The following CTSO variants were observed in gnomAD, a reference collection of about 807,000 sequenced individuals.
CTSO encodes cathepsin O.
In CTSO, 40 loss-of-function variants were observed where a neutral mutation model predicts 42.4. The ratio of observed to expected loss-of-function variants is 0.94; its 90% CI spans 0.73 to 1.23. The LOEUF is 1.23. Among genes scored for constraint, CTSO ranks in the 50% most tolerant of loss-of-function variants. The pLI is 0.00. For synonymous variants in CTSO, 156 were observed against 146.2 expected, an observed-to-expected ratio of 1.07 and a Z score of -0.48; for missense variants, 441 against 396.0, an observed-to-expected ratio of 1.11 and a Z score of -0.96.
rs1473621418 is a variant in CTSO, at chr4:155,939,462, T to C, written c.461A>G (p.Asp154Gly). 1.2e-6 allele frequency: 2 copies of C among 1,614,112 alleles called. No homozygotes were observed. The highest frequency in any genetic ancestry group is 1.7e-5 in the Admixed American group (1 of 60,012). ...AYAIKGKPLEDLSVQQVIDCS... is the reference protein window; with the variant it reads ...AYAIKGKPLEGLSVQQVIDCS... ...GTCAATGACCTGCTGGACACTTAGGTCTTCCAGGGGCTTCCCCTTTATTGC... is the reference window on the plus strand; with the variant it reads ...GTCAATGACCTGCTGGACACTTAGGCCTTCCAGGGGCTTCCCCTTTATTGC... Residue 154 changes from aspartate to glycine, a missense_variant, in exon 4 of 8, where the codon GAC (aspartate) becomes GGC (glycine). Asp to Gly is a moderately conservative substitution (Grantham distance 94). Coordinates refer to ENST00000433477, the MANE Select transcript of CTSO (RefSeq NM_001334.3).
rs181454166 is a variant in CTSO at position 155,939,696 on chromosome 4, G to A, written c.385-158C>T. On this transcript the variant is annotated intron_variant, in intron 3 of 7. Coordinates refer to ENST00000433477, the MANE Select transcript of CTSO (RefSeq NM_001334.3). ...CTCTAGATTTTTAAACTGAAAAAAAGAGAAAACCAAAAGTCTCTTTTGAGC... is the reference window on the plus strand; with the variant it reads ...CTCTAGATTTTTAAACTGAAAAAAAAAGAAAACCAAAAGTCTCTTTTGAGC... 3.5e-4 allele frequency among the ~76,000 whole-genome samples: 53 copies of A among 152,190 alleles called. No individual in the cohort carries two copies. In the East Asian group the frequency reaches 9.8e-3, roughly 28 times the overall value.
At chr4:155,926,835 T>C (rs1014180358) in intron 7 of CTSO, among the ~76,000 whole-genome samples, 3 of 152,218 alleles carry the variant, frequency 2.0e-5, no homozygotes, top group East Asian at 1.9e-4. Context: ...GTAGTTATAA[T>C]TGAGGCAATT....
intron 1 of CTSO, among the ~76,000 whole-genome samples, chr4:155,952,383 A>G (rs1743690738): frequency 1.3e-5 from 2 of 152,178 alleles, no homozygotes; most frequent in Non-Finnish European, 2.9e-5. Context: ...TATATTTATA[A>G]GTCTAGCCCT....
intron 1 of CTSO, 57 bp downstream of exon 1, chr4:155,953,656 C>G (rs1743718202): frequency 1.6e-6 from 2 of 1,234,216 alleles, no homozygotes; most frequent in Non-Finnish European, 2.0e-6. Flanking sequence ...GCAGCCCAGA[C>G]CCGGGACAGG....
chr4:155,928,085 T>A (rs1743162665), intron 7 of CTSO, among the ~76,000 whole-genome samples: 1 of 152,106 alleles, frequency 6.6e-6, no homozygotes, highest in Non-Finnish European at 1.5e-5. Context: ...CAATTAACCT[T>A]GGTAAATTAT....
At chr4:155,942,796 C>T (rs1338719642) in intron 2 of CTSO, among the ~76,000 whole-genome samples, 1 of 151,898 alleles carries the variant, frequency 6.6e-6, no homozygotes, top group Non-Finnish European at 1.5e-5. Context: ...TTTGATAGAA[C>T]CAGGTCAATA....
chr4:155,946,946 C>T lies in CTSO; in HGVS notation c.136-3682G>A, dbSNP rs912943922. 1.4e-3 allele frequency among the ~76,000 whole-genome samples: 219 copies of T among 152,308 alleles called. 1 individual carries two copies. The highest frequency in any genetic ancestry group is 4.0e-3 in the African/African-American group (166 of 41,568). On this transcript the variant is annotated intron_variant, in intron 1 of 7. Transcript: ENST00000433477. ...TCTCAGCTCACTGCAAGCTCCGCCT[C>T]CCGGGTTCACCCCATTCTCCTGCCT...
Position 155,928,333 on chromosome 4 carries a change from T to C in CTSO, c.931+3A>G. ...AGGTTTTAAACACAAACTCATGACT[T>C]ACCACAAACATTACTTCCCATTTTG... On this transcript the variant is annotated splice_donor_region_variant and intron_variant, in intron 7 of 7. Coordinates refer to ENST00000433477, the MANE Select transcript of CTSO (RefSeq NM_001334.3). 6.2e-7 allele frequency: 1 copy of C among 1,605,148 alleles called. No homozygotes were observed. Among genetic ancestry groups the C allele is most frequent in the South Asian group, 1.1e-5 (1 of 89,926 alleles).
intron 1 of CTSO, among the ~76,000 whole-genome samples, chr4:155,944,196 T>A (rs1328521341): frequency 6.6e-6 from 1 of 152,236 alleles, no homozygotes; most frequent in African/African-American, 2.4e-5. Flanking sequence ...AATAAATAGA[T>A]AAGTGACATT....
chr4:155,938,328 A>T (rs80038274), intron 4 of CTSO, among the ~76,000 whole-genome samples: 2 of 152,220 alleles, frequency 1.3e-5, no homozygotes. Context: ...TACAGTGTGT[A>T]CAGAGCAGGT....
In CTSO at chr4:155,937,631, T is replaced by A. The variant is rs952358730; in HGVS notation, c.553-148A>T. On this transcript the variant is annotated intron_variant, in intron 4 of 7. Transcript: ENST00000433477. The stretch of plus-strand genomic sequence containing the variant: ...GTTCTTTTTTTTTTCTTTTTCTTTT[T>A]TGAGACAGAGTTTTGTTTGGTTGCT... The A allele has an allele frequency of 5.0e-6, 4 of 801,328 alleles. No homozygotes were observed. The South Asian group carries it at 7.1e-5, about 14-fold the overall frequency. The allele number at this position is 801,328 out of a possible 1,614,324, so 49.6% of individuals were successfully genotyped here. A position where few individuals can be genotyped will look rare whatever the true frequency, so the allele number is the denominator to read the frequency against.
chr4:155,952,502 T>A (rs1743693416), intron 1 of CTSO, among the ~76,000 whole-genome samples: 1 of 152,174 alleles, frequency 6.6e-6, no homozygotes, highest in Non-Finnish European at 1.5e-5. Context: ...CCCTAAGGGG[T>A]TTCGTTTACC....
Position 155,946,735 on chromosome 4 carries a change from C to A in CTSO, c.136-3471G>T, listed in dbSNP as rs180961174. Among the ~76,000 whole-genome samples, 158 of 152,290 alleles carry A rather than the reference C, an allele frequency of 1.0e-3. 1 individual carries two copies. Among genetic ancestry groups the A allele is most frequent in the Non-Finnish European group, 9.1e-4 (62 of 68,024 alleles). On this transcript the variant is annotated intron_variant, in intron 1 of 7. Transcript: ENST00000433477. ...CCTGCCAACAGCAAAATACTCTAAA[C>A]CACTAAGTGCTCTGCTTCGTCCTCT...
At chr4:155,943,078 T>A (rs1317010067) in intron 2 of CTSO, 78 bp downstream of exon 2, 1 of 854,954 alleles carries the variant, frequency 1.2e-6, no homozygotes, top group Non-Finnish European at 1.9e-6. Context: ...ATATTAGATT[T>A]ACAATGAAAT....
At chr4:155,939,225 G>T in intron 4 of CTSO, 146 bp downstream of exon 4, 2 of 618,104 alleles carry the variant, frequency 3.2e-6, no homozygotes, top group Non-Finnish European at 5.1e-6. Context: ...TAAATATTCT[G>T]ATTAATTACT....
chr4:155,949,489 T>A (rs917396858), intron 1 of CTSO, among the ~76,000 whole-genome samples: 2 of 152,210 alleles, frequency 1.3e-5, no homozygotes, highest in Non-Finnish European at 2.9e-5. Context: ...AAGTTTTATA[T>A]TGAAATTAAC....
rs554399239 is a variant in CTSO at position 155,925,663 on chromosome 4, G to T, written c.*373C>A. 18 of 212,856 alleles carry T rather than the reference G, an allele frequency of 8.5e-5. No homozygotes were observed. In the East Asian group the frequency reaches 2.3e-3, roughly 27 times the overall value. 13.2% of individuals were successfully genotyped at this position (212,856 alleles called of 1,614,324 possible). On this transcript the variant is annotated 3_prime_UTR_variant, in exon 8 of 8. Coordinates refer to ENST00000433477, the MANE Select transcript of CTSO (RefSeq NM_001334.3). ...CCCACAAAAGAAAATAAATTCTTATGACCTCTTTGATCCCACCTGAAATAT... is the reference window on the plus strand; with the variant it reads ...CCCACAAAAGAAAATAAATTCTTATTACCTCTTTGATCCCACCTGAAATAT...
intron 7 of CTSO, among the ~76,000 whole-genome samples, chr4:155,926,581 A>G (rs923406825): frequency 2.0e-5 from 3 of 152,148 alleles, no homozygotes; most frequent in Non-Finnish European, 4.4e-5. Context: ...ATTATAACTA[A>G]CCGTATCTTC....
chr4:155,941,632 T>C (rs1015440446), intron 3 of CTSO, among the ~76,000 whole-genome samples: 2 of 152,240 alleles, frequency 1.3e-5, no homozygotes, highest in Admixed American at 6.5e-5. Context: ...ACATATGTCA[T>C]TGACTAAGCT....
Sources: allele counts gnomAD v4.1 joint callset (sites outside exome capture counted in the v4.1 genomes callset), GRCh38; gene constraint gnomAD v4.1.1; transcripts MANE v1.5; gene names NCBI Gene and HGNC (gene_info 2026-07-23, HGNC 2026-07-21).